Variants in NEK10 observed in about 807,000 individuals in gnomAD.
NEK10 encodes the protein NIMA related kinase 10, also known as serine/threonine-protein kinase Nek10.
NEK10 carries 122 observed loss-of-function variants against 159.8 expected under a neutral mutation model. The ratio of observed to expected loss-of-function variants is 0.76; its 90% CI spans 0.66 to 0.89. NEK10 has a LOEUF of 0.89. Ranked by LOEUF, NEK10 falls within the 40% of genes least tolerant of loss-of-function variation. The pLI, the probability that NEK10 is intolerant of heterozygous loss-of-function variation, is 0.00. For missense variants in NEK10, 1,342 were observed against 1,323.1 expected (o/e 1.01, Z -0.22); for synonymous variants, 466 against 457.1 (o/e 1.02, Z -0.25).
chr3:27,246,252 T>C (rs1955050641), intron 23 of NEK10, among the ~76,000 whole-genome samples: 1 of 152,182 alleles, frequency 6.6e-6, no homozygotes, highest in Non-Finnish European at 1.5e-5. Context: ...CAGGGGTACA[T>C]CTGCAGGTTT....
chr3:27,127,214 A>G (rs927631861), intron 32 of NEK10, among the ~76,000 whole-genome samples: 3 of 152,272 alleles, frequency 2.0e-5, no homozygotes, highest in African/African-American at 7.2e-5. Context: ...CCTGTACAAC[A>G]TATCATACTA....
rs916550998 is a variant in NEK10, at chr3:27,215,820, A to G, written c.2091-13263T>C. On this transcript the variant is annotated intron_variant, in intron 23 of 35. Coordinates refer to ENST00000691995, the MANE Select transcript of NEK10 (RefSeq NM_001394966.1). ...CAATGATAGCAGAAGGCAAAGGAGG[A>G]GCCAGCACGTTTTATGTGGCCAGAG... 7 of 717,420 alleles carry G rather than the reference A, an allele frequency of 9.8e-6. No homozygotes were observed. The African/African-American group carries it at 1.2e-4, about 13-fold the overall frequency. The allele number at this position is 717,420 out of a possible 1,614,324, so 44.4% of individuals were successfully genotyped here. A position where few individuals can be genotyped will look rare whatever the true frequency, so the allele number is the denominator to read the frequency against.
chr3:27,149,646 A>G (rs1575511850), intron 30 of NEK10, among the ~76,000 whole-genome samples: 1 of 152,210 alleles, frequency 6.6e-6, no homozygotes, highest in Non-Finnish European at 1.5e-5. Flanking sequence ...TGTTCCATCA[A>G]CCAGCCATTC....
chr3:27,362,577 C>A (rs540353852), intron 1 of NEK10, among the ~76,000 whole-genome samples: 1 of 150,466 alleles, frequency 6.6e-6, no homozygotes, highest in Non-Finnish European at 1.5e-5. Flanking sequence ...ATTAGGTGGG[C>A]GCAAAAGTAA....
intron 23 of NEK10, among the ~76,000 whole-genome samples, chr3:27,203,653 A>G (rs926488146): frequency 1.3e-5 from 2 of 152,150 alleles, no homozygotes; most frequent in Admixed American, 6.6e-5. Flanking sequence ...CAGTACTCTA[A>G]TGGAGTAAAG....
At chr3:27,368,584 T>C (rs1575980566) in intron 1 of NEK10, among the ~76,000 whole-genome samples, 1 of 152,138 alleles carries the variant, frequency 6.6e-6, no homozygotes, top group East Asian at 1.9e-4. Flanking sequence ...AGTGTAGTTT[T>C]TGAAAGCTGA....
At position 27,295,619 on chromosome 3, in the gene NEK10, T is replaced by C. The variant is rs977817459; in HGVS notation, c.1302A>G (p.Leu434=). 1 of 1,562,224 alleles carries C rather than the reference T, an allele frequency of 6.4e-7. No individual in the cohort carries two copies. Among genetic ancestry groups the C allele is most frequent in the East Asian group, 2.3e-5 (1 of 43,232 alleles). The part of the protein sequence containing the change: ...NKQKNAAKSN[L]LQCYAFRALR... ...CAAGAGACATGTTTATTACCTGTAA[T>C]AGATTACTTTTTGCTGCATTCTTTT... Residue 434 remains leucine, a synonymous_variant, in exon 15 of 36, where the codon CTA becomes CTG. Coordinates refer to ENST00000691995, the MANE Select transcript of NEK10 (RefSeq NM_001394966.1).
intron 26 of NEK10, among the ~76,000 whole-genome samples, chr3:27,178,886 C>G (rs1276373374): frequency 6.6e-6 from 1 of 152,182 alleles, no homozygotes; most frequent in Non-Finnish European, 1.5e-5. Flanking sequence ...GGTCCCACCC[C>G]CTACCCAGTG....
At chr3:27,249,940 C>G (rs1223609303) in intron 23 of NEK10, among the ~76,000 whole-genome samples, 1 of 151,914 alleles carries the variant, frequency 6.6e-6, no homozygotes, top group African/African-American at 2.4e-5. Flanking sequence ...TATGTTGTAA[C>G]CCATTATTTT....
At chr3:27,339,796 A>C (rs1290766436) in intron 5 of NEK10, among the ~76,000 whole-genome samples, 3 of 131,852 alleles carry the variant, frequency 2.3e-5, no homozygotes, top group Non-Finnish European at 3.3e-5. Context: ...AAAAAAAAAA[A>C]CCCACAATGA....
intron 23 of NEK10, among the ~76,000 whole-genome samples, chr3:27,238,926 T>A (rs1954262770): frequency 1.3e-5 from 2 of 152,170 alleles, no homozygotes; most frequent in African/African-American, 4.8e-5. Flanking sequence ...GGTTTCCCAT[T>A]GGTTACTTGG....
intron 32 of NEK10, among the ~76,000 whole-genome samples, chr3:27,131,534 G>A (rs1238164394): frequency 1.3e-5 from 2 of 152,132 alleles, no homozygotes; most frequent in Admixed American, 6.5e-5. Context: ...CTTCTTCAGA[G>A]TGACAAATCT....
At chr3:27,123,067 A>G (rs1941520817) in intron 32 of NEK10, among the ~76,000 whole-genome samples, 1 of 152,348 alleles carries the variant, frequency 6.6e-6, no homozygotes, top group South Asian at 2.1e-4. Flanking sequence ...GTTTCTAGAT[A>G]TACACATTGT....
chr3:27,310,091 A>AT (rs1294433863), intron 9 of NEK10: 1 of 152,024 alleles, frequency 6.6e-6, no homozygotes, highest in Non-Finnish European at 1.5e-5. Flanking sequence ...CAGTATATGG[A>AT]TTTTTTGCCT....
chr3:27,301,789 T>G lies in NEK10; in HGVS notation c.1075A>C (p.Ser359Arg). The change falls in exon 13 of 36, where the codon AGT (serine) becomes CGT (arginine). Residue 359 changes from serine to arginine, a missense_variant. Physicochemically the swap from Ser to Arg is moderately radical, Grantham distance 110 (BLOSUM62 -1). Coordinates refer to ENST00000691995, the MANE Select transcript of NEK10 (RefSeq NM_001394966.1). Reference protein sequence around the residue: ...SDHSSIGSLSSANAAGRIQQL... With the variant: ...SDHSSIGSLSRANAAGRIQQL... ...TGGATTCGGCCTGCAGCATTTGCAC[T>G]GGACAGGCTTCCAATGGAGGAGTGA... The G allele has an allele frequency of 6.4e-7, 1 of 1,557,244 alleles. No individual in the cohort carries two copies. Among genetic ancestry groups the G allele is most frequent in the Non-Finnish European group, 8.7e-7 (1 of 1,149,642 alleles).
At chr3:27,290,334 G>C (rs779654785) in intron 19 of NEK10, among the ~76,000 whole-genome samples, 1 of 152,130 alleles carries the variant, frequency 6.6e-6, no homozygotes, top group Non-Finnish European at 1.5e-5. Context: ...GAAAAGAATA[G>C]ATATGCTCAC....
intron 30 of NEK10, among the ~76,000 whole-genome samples, chr3:27,156,582 C>A (rs1945445597): frequency 6.6e-6 from 1 of 151,926 alleles, no homozygotes; most frequent in Non-Finnish European, 1.5e-5. Flanking sequence ...CAGGGAAATG[C>A]AAATCAAAAC....
chr3:27,223,378 T>A (rs1952315710), intron 23 of NEK10, among the ~76,000 whole-genome samples: 1 of 152,282 alleles, frequency 6.6e-6, no homozygotes, highest in African/African-American at 2.4e-5. Flanking sequence ...ATGATCCCCC[T>A]GTACCCCAGC....
intron 6 of NEK10, among the ~76,000 whole-genome samples, chr3:27,316,168 A>G (rs1450841177): frequency 1.3e-5 from 2 of 152,138 alleles, no homozygotes; most frequent in East Asian, 1.9e-4. Flanking sequence ...ACGTGTGAGC[A>G]AGGGACTGGC....
Sources: allele counts gnomAD v4.1 joint callset (sites outside exome capture counted in the v4.1 genomes callset), GRCh38; gene constraint gnomAD v4.1.1; transcripts MANE v1.5; gene names NCBI Gene and HGNC (gene_info 2026-07-23, HGNC 2026-07-21).